Variants in SLC2A4 observed in about 807,000 individuals in gnomAD.
The protein encoded by SLC2A4 is solute carrier family 2 member 4.
Under a neutral mutation model 53.3 loss-of-function variants are expected in SLC2A4, and 31 were observed. That is an observed-to-expected ratio of 0.58 (90% confidence interval 0.44 to 0.78). The LOEUF is 0.78. SLC2A4 is among the 30% of genes least tolerant of loss of function. SLC2A4 has a pLI of 0.00. For missense variants in SLC2A4, 538 were observed against 655.7 expected (o/e 0.82, Z 1.96); for synonymous variants, 276 against 281.9 (o/e 0.98, Z 0.21).
chr17:7,286,381 C>T (rs1478776906), intron 10 of SLC2A4, 45 bp from the exon 11 acceptor site: 2 of 1,577,708 alleles, frequency 1.3e-6, no homozygotes, highest in East Asian at 2.2e-5. Context: ...TACCCCTTCC[C>T]TCCCCACCTC....
In SLC2A4 at chr17:7,283,990, G is replaced by C; in HGVS notation, c.465G>C (p.Leu155=). 6.2e-7 allele frequency: 1 copy of C among 1,613,658 alleles called. No homozygotes were observed. ...IGAYSGLTSG[L]VPMYVGEIAP... is the part of the protein sequence containing the mutation. The stretch of plus-strand genomic sequence containing the variant: ...CTCGCCCAGGGCTGACATCAGGGCT[G>C]GTGCCCATGTACGTGGGGGAGATTG... The change falls in exon 5 of 11, where the codon CTG becomes CTC. Residue 155 remains leucine, a synonymous_variant. Transcript: ENST00000317370. The surrounding 1 kb of genome is among the most constrained non-coding windows in gnomAD (Gnocchi z 5.8).
In SLC2A4 at chr17:7,283,964, C is replaced by T. The variant is rs1301434462; in HGVS notation, c.449-10C>T. The T allele has an allele frequency of 6.2e-7, 1 of 1,613,474 alleles. No individual in the cohort carries two copies. The highest frequency in any genetic ancestry group is 1.3e-5 in the African/African-American group (1 of 75,048). On this transcript the variant is annotated splice_polypyrimidine_tract_variant and intron_variant, in intron 4 of 10. Transcript: ENST00000317370. This position sits in a 1 kb window ranked among gnomAD's most constrained non-coding sequence, Gnocchi z 5.8. ...ACCTGCCCTCAGCCCTCTCTTCTTCCCTCGCCCAGGGCTGACATCAGGGCT... is the reference window on the plus strand; with the variant it reads ...ACCTGCCCTCAGCCCTCTCTTCTTCTCTCGCCCAGGGCTGACATCAGGGCT...
Position 7,285,602 on chromosome 17 carries a change from A to G in SLC2A4, c.1123-103A>G. On this transcript the variant is annotated intron_variant, in intron 9 of 10. Coordinates refer to ENST00000317370, the MANE Select transcript of SLC2A4 (RefSeq NM_001042.3). The surrounding 1 kb of genome is among the most constrained non-coding windows in gnomAD (Gnocchi z 6.0). ...TAACCCGGGACAGCAGGCCCCCTAC[A>G]AGCTGCTGCGGAGGGGGTTAGGTTT... The G allele has an allele frequency of 8.9e-7, 1 of 1,123,132 alleles. No homozygotes were observed. The highest frequency in any genetic ancestry group is 1.3e-5 in the South Asian group (1 of 76,972). The allele number at this position is 1,123,132 out of a possible 1,614,324, so 69.6% of individuals were successfully genotyped here. A position where few individuals can be genotyped will look rare whatever the true frequency, so the allele number is the denominator to read the frequency against.
chr17:7,287,620 T>C lies in SLC2A4; in HGVS notation c.*991T>C, dbSNP rs551001991. 1 of 152,226 alleles carries C rather than the reference T, an allele frequency of 6.6e-6. No homozygotes were observed. The highest frequency in any genetic ancestry group is 1.5e-5 in the Non-Finnish European group (1 of 68,052). The allele number at this position is 152,226 out of a possible 1,614,324, so 9.4% of individuals were successfully genotyped here. On this transcript the variant is annotated 3_prime_UTR_variant, in exon 11 of 11. Transcript: ENST00000317370. ...CTGCCAAGAAGGAGCCCTAACTTTC[T>C]TCCTCTCCCTTCCTGGAAGGGTGCT...
At position 7,284,610 on chromosome 17, in the gene SLC2A4, C is replaced by T. The variant is rs140743598; in HGVS notation, c.853C>T (p.Arg285Trp). Residue 285 changes from arginine to tryptophan, a missense_variant, in exon 7 of 11, where the codon CGG becomes TGG. By Grantham distance (101) the Arg-to-Trp change is moderately radical. Transcript: ENST00000317370. This position sits in a 1 kb window ranked among gnomAD's most constrained non-coding sequence, Gnocchi z 7.5. ...LLQLLGSRTH[R>W]QPLIIAVVLQ... ...CCAGCTCCTGGGCAGCCGTACCCACCGGCAGCCCCTGATCATTGCGGTCGT... is the reference window on the plus strand; with the variant it reads ...CCAGCTCCTGGGCAGCCGTACCCACTGGCAGCCCCTGATCATTGCGGTCGT... 163 of 1,614,204 alleles carry T rather than the reference C, an allele frequency of 1.0e-4. No homozygotes were observed. The highest frequency in any genetic ancestry group is 1.0e-3 in the African/African-American group (75 of 75,066).
rs1214676429 is a variant in SLC2A4, at chr17:7,287,347, A to G, written c.*718A>G. 1 of 152,360 alleles carries G rather than the reference A, an allele frequency of 6.6e-6. No homozygotes were observed. Among genetic ancestry groups the G allele is most frequent in the Non-Finnish European group, 1.5e-5 (1 of 68,260 alleles). The allele number at this position is 152,360 out of a possible 1,614,324, so 9.4% of individuals were successfully genotyped here. A position where few individuals can be genotyped will look rare whatever the true frequency, so the allele number is the denominator to read the frequency against. ...CACCATGTTAGCCAGAATGGTCTCG[A>G]TCTCCTGACCTCGTGATCTGCCTGC... On this transcript the variant is annotated 3_prime_UTR_variant, in exon 11 of 11. Coordinates refer to ENST00000317370, the MANE Select transcript of SLC2A4 (RefSeq NM_001042.3).
chr17:7,285,379 G>A lies in SLC2A4; in HGVS notation c.1122+190G>A, dbSNP rs1488268996. On this transcript the variant is annotated intron_variant, in intron 9 of 10. Transcript: ENST00000317370. The surrounding 1 kb of genome is among the most constrained non-coding windows in gnomAD (Gnocchi z 6.0). ...GGTCTGCTCCTGAGGGATTTGGGCTGCACTGGGAGGCAGCTGTGGCACAAC... is the reference window on the plus strand; with the variant it reads ...GGTCTGCTCCTGAGGGATTTGGGCTACACTGGGAGGCAGCTGTGGCACAAC... Among the ~76,000 whole-genome samples, 1 of 152,214 alleles carries A rather than the reference G, an allele frequency of 6.6e-6. No individual in the cohort carries two copies. Among genetic ancestry groups the A allele is most frequent in the African/African-American group, 2.4e-5 (1 of 41,458 alleles).
rs866080754 is a variant in SLC2A4 at position 7,281,744 on chromosome 17, A to G, written c.-191A>G. Reference sequence around the variant, plus strand: ...TCTTTTCCCCCAGCCCCGCTCCACCAGATCCGCGGGAGCCCCACTGCTCTC... The same window carrying G: ...TCTTTTCCCCCAGCCCCGCTCCACCGGATCCGCGGGAGCCCCACTGCTCTC... On this transcript the variant is annotated 5_prime_UTR_variant, in exon 1 of 11. Transcript: ENST00000317370. 3.6e-5 allele frequency: 23 copies of G among 646,444 alleles called. No individual in the cohort carries two copies. The highest frequency in any genetic ancestry group is 4.1e-4 in the Middle Eastern group (1 of 2,412). The allele number at this position is 646,444 out of a possible 1,614,324, so 40.0% of individuals were successfully genotyped here. A position where few individuals can be genotyped will look rare whatever the true frequency, so the allele number is the denominator to read the frequency against.
In SLC2A4 at chr17:7,282,977, G is replaced by C. The variant is rs2072415107; in HGVS notation, c.34-268G>C. 2.1e-6 allele frequency: 1 copy of C among 471,196 alleles called. No individual in the cohort carries two copies. Among genetic ancestry groups the C allele is most frequent in the Non-Finnish European group, 3.9e-6 (1 of 255,042 alleles). 29.2% of individuals were successfully genotyped at this position (471,196 alleles called of 1,614,324 possible). On this transcript the variant is annotated intron_variant, in intron 1 of 10. Coordinates refer to ENST00000317370, the MANE Select transcript of SLC2A4 (RefSeq NM_001042.3). This position sits in a 1 kb window ranked among gnomAD's most constrained non-coding sequence, Gnocchi z 4.1. ...GCTCTTAAGGCCAAGCCTGTCTCAAGGTCACAGAAGAATTTTGAGACAAGT... is the reference window on the plus strand; with the variant it reads ...GCTCTTAAGGCCAAGCCTGTCTCAACGTCACAGAAGAATTTTGAGACAAGT...
Position 7,286,507 on chromosome 17 carries a change from G to C in SLC2A4, c.1408G>C (p.Glu470Gln), listed in dbSNP as rs747042068. The C allele has an allele frequency of 6.2e-7, 1 of 1,614,150 alleles. No individual in the cohort carries two copies. Among genetic ancestry groups the C allele is most frequent in the Admixed American group, 1.7e-5 (1 of 60,016 alleles). ...FFIFTFLRVP[E>Q]TRGRTFDQIS... is the part of the protein sequence containing the mutation. ...CATCTTCACCTTCTTAAGAGTACCT[G>C]AAACTCGAGGCCGGACGTTTGACCA... The change falls in exon 11 of 11, where the codon GAA becomes CAA. Residue 470 changes from glutamate to glutamine, a missense_variant. Glu to Gln is a conservative substitution (Grantham distance 29, BLOSUM62 2). Transcript: ENST00000317370.
chr17:7,282,261 C>G lies in SLC2A4; in HGVS notation c.33+294C>G. The G allele has an allele frequency of 1.7e-6, 1 of 594,132 alleles. No homozygotes were observed. The highest frequency in any genetic ancestry group is 3.1e-6 in the Non-Finnish European group (1 of 317,890). The allele number at this position is 594,132 out of a possible 1,614,324, so 36.8% of individuals were successfully genotyped here. A position where few individuals can be genotyped will look rare whatever the true frequency, so the allele number is the denominator to read the frequency against. On this transcript the variant is annotated intron_variant, in intron 1 of 10. Transcript: ENST00000317370. The surrounding 1 kb of genome is among the most constrained non-coding windows in gnomAD (Gnocchi z 4.1). ...GCGGCGCTCCGGAATCGGGGACACCCTGCCCTCGATCCGACTCGGGAAAGC... is the reference window on the plus strand; with the variant it reads ...GCGGCGCTCCGGAATCGGGGACACCGTGCCCTCGATCCGACTCGGGAAAGC...
At position 7,284,997 on chromosome 17, in the gene SLC2A4, G is replaced by A. The variant is rs779133744; in HGVS notation, c.1020+58G>A. On this transcript the variant is annotated intron_variant, in intron 8 of 10. Transcript: ENST00000317370. The surrounding 1 kb of genome is among the most constrained non-coding windows in gnomAD (Gnocchi z 7.5). ...CTGGCTTCACCTCCCTGGGTGTCCC[G>A]GAGGTCCTGCTCTTGGTTGCCCTCA... is the stretch of plus-strand genomic sequence containing the variant. The A allele has an allele frequency of 3.8e-5, 62 of 1,613,974 alleles. No homozygotes were observed. Among genetic ancestry groups the A allele is most frequent in the South Asian group, 5.5e-5 (5 of 91,076 alleles).
rs1452982088 is a variant in SLC2A4, at chr17:7,285,616, G to C, written c.1123-89G>C. ...AGGCCCCCTACAAGCTGCTGCGGAGGGGGTTAGGTTTCACTTCTCTGAGTT... is the reference window on the plus strand; with the variant it reads ...AGGCCCCCTACAAGCTGCTGCGGAGCGGGTTAGGTTTCACTTCTCTGAGTT... On this transcript the variant is annotated intron_variant, in intron 9 of 10. Transcript: ENST00000317370. This position sits in a 1 kb window ranked among gnomAD's most constrained non-coding sequence, Gnocchi z 6.0. 1.6e-6 allele frequency: 2 copies of C among 1,277,818 alleles called. No individual in the cohort carries two copies. Among genetic ancestry groups the C allele is most frequent in the Non-Finnish European group, 2.3e-6 (2 of 882,682 alleles). The allele number at this position is 1,277,818 out of a possible 1,614,324, so 79.2% of individuals were successfully genotyped here.
chr17:7,284,366 G>C lies in SLC2A4; in HGVS notation c.714G>C (p.Gly238=). The change falls in exon 6 of 11, where the codon GGG becomes GGC. Residue 238 remains glycine (G), a synonymous_variant. Coordinates refer to ENST00000317370, the MANE Select transcript of SLC2A4 (RefSeq NM_001042.3). This position sits in a 1 kb window ranked among gnomAD's most constrained non-coding sequence, Gnocchi z 7.5. ...TCTACATCATCCAGAATCTCGAGGG[G>C]CCTGCCAGAAAGAGTAAGCTCTCCC... is the stretch of plus-strand genomic sequence containing the variant. ...RYLYIIQNLE[G]PARKSLKRLT... 6.2e-7 allele frequency: 1 copy of C among 1,614,084 alleles called. No individual in the cohort carries two copies. The highest frequency in any genetic ancestry group is 1.3e-5 in the African/African-American group (1 of 75,064).
In SLC2A4 at chr17:7,286,920, A is replaced by C; in HGVS notation, c.*291A>C. 2.4e-6 allele frequency: 1 copy of C among 414,034 alleles called. No homozygotes were observed. The highest frequency in any genetic ancestry group is 5.4e-5 in the East Asian group (1 of 18,660). 25.6% of individuals were successfully genotyped at this position (414,034 alleles called of 1,614,324 possible). On this transcript the variant is annotated 3_prime_UTR_variant, in exon 11 of 11. Transcript: ENST00000317370. The stretch of plus-strand genomic sequence containing the variant: ...CCCCTTTCCTCCCCACCTTCCCCAG[A>C]CTCAGCTCCAGAATACCTTCTTCGC...
rs5417 is a variant in SLC2A4 at position 7,281,743 on chromosome 17, C to A, written c.-192C>A. On this transcript the variant is annotated 5_prime_UTR_variant, in exon 1 of 11. Transcript: ENST00000317370. ...GTCTTTTCCCCCAGCCCCGCTCCAC[C>A]AGATCCGCGGGAGCCCCACTGCTCT... The A allele has an allele frequency of 0.54, 351,202 of 644,948 alleles. 99,019 individuals carry two copies. The highest frequency in any genetic ancestry group is 0.61 in the Middle Eastern group (1,481 of 2,412). 40.0% of individuals were successfully genotyped at this position (644,948 alleles called of 1,614,324 possible). A position where few individuals can be genotyped will look rare whatever the true frequency, so the allele number is the denominator to read the frequency against.
Position 7,286,663 on chromosome 17 carries a change from C to G in SLC2A4, c.*34C>G, listed in dbSNP as rs375887114. ...GCAGGGGTGGGAGAGCCAGCTCTCT[C>G]TACCCGGCCCAGAGACCCCTTCCTT... On this transcript the variant is annotated 3_prime_UTR_variant, in exon 11 of 11. Coordinates refer to ENST00000317370, the MANE Select transcript of SLC2A4 (RefSeq NM_001042.3). The G allele has an allele frequency of 3.2e-6, 5 of 1,580,022 alleles. No individual in the cohort carries two copies. The highest frequency in any genetic ancestry group is 2.7e-5 in the African/African-American group (2 of 74,248).
In SLC2A4 at chr17:7,286,826, A is replaced by C. The variant is rs2072454747; in HGVS notation, c.*197A>C. On this transcript the variant is annotated 3_prime_UTR_variant, in exon 11 of 11. Coordinates refer to ENST00000317370, the MANE Select transcript of SLC2A4 (RefSeq NM_001042.3). ...TCCCCTCGTGTGACTCTCTTGGATT[A>C]TTTATGTGTTGTGGTTTGGCCGTGG... 1 of 599,750 alleles carries C rather than the reference A, an allele frequency of 1.7e-6. No individual in the cohort carries two copies. The highest frequency in any genetic ancestry group is 2.8e-5 in the Admixed American group (1 of 36,056). The allele number at this position is 599,750 out of a possible 1,614,324, so 37.2% of individuals were successfully genotyped here.
In SLC2A4 at chr17:7,281,875, A is replaced by T. The variant is rs1398702282; in HGVS notation, c.-60A>T. 6.5e-7 allele frequency: 1 copy of T among 1,549,668 alleles called. No individual in the cohort carries two copies. Among genetic ancestry groups the T allele is most frequent in the Non-Finnish European group, 8.8e-7 (1 of 1,140,146 alleles). Reference sequence around the variant, plus strand: ...TCTGCGCTCCAGGCCGGAGTCAGAGACTCCAGGATCGGTTCTTTCATCTTC... The same window carrying T: ...TCTGCGCTCCAGGCCGGAGTCAGAGTCTCCAGGATCGGTTCTTTCATCTTC... On this transcript the variant is annotated 5_prime_UTR_variant, in exon 1 of 11. Transcript: ENST00000317370.
Sources: gnomAD v4.1 joint callset for allele counts (sites outside exome capture counted in the v4.1 genomes callset) on GRCh38, gnomAD v4.1.1 for gene constraint, Gnocchi (gnomAD v3.1) non-coding constraint, MANE v1.5 for transcripts, NCBI Gene and HGNC (gene_info 2026-07-23, HGNC 2026-07-21) for gene names.